The following MAP3K12 variants were observed in gnomAD, a reference collection of about 807,000 sequenced individuals.
MAP3K12 encodes MAPK-upstream kinase.
A neutral mutation model predicts 87.5 loss-of-function variants in MAP3K12; 14 were observed. The observed-to-expected ratio is 0.16, with a 90% confidence interval of 0.11 to 0.25. MAP3K12 has a LOEUF of 0.25. MAP3K12 is among the 10% of genes least tolerant of loss of function. The probability of loss-of-function intolerance (pLI) is 1.00; values close to 1 mark genes in which losing one functional copy is unlikely to be tolerated. For missense variants in MAP3K12, 802 were observed against 1,140.4 expected (o/e 0.70, Z 4.27); for synonymous variants, 469 against 452.5 (o/e 1.04, Z -0.46).
At position 53,486,612 on chromosome 12, in the gene MAP3K12, C is replaced by T. The variant is rs1372376162; in HGVS notation, c.456G>A (p.Glu152=). The change falls in exon 3 of 14, where the codon GAG becomes GAA. Residue 152 remains glutamate, a synonymous_variant. Transcript: ENST00000547488. This position sits in a 1 kb window ranked among gnomAD's most constrained non-coding sequence, Gnocchi z 4.9. Reference sequence around the variant, plus strand: ...GGTCCAGGATTTCCTCAAAGGGGACCTCCCAAAGGTCTGTGGGCAGGAGGC... The same window carrying T: ...GGTCCAGGATTTCCTCAAAGGGGACTTCCCAAAGGTCTGTGGGCAGGAGGC... ...EHKQQQEDLW[E]VPFEEILDLQ... 1.3e-6 allele frequency: 2 copies of T among 1,598,498 alleles called. No homozygotes were observed. The highest frequency in any genetic ancestry group is 1.7e-4 in the Middle Eastern group (1 of 6,028).
chr12:53,493,716 T>A (rs965407726), intron 1 of MAP3K12: 2 of 152,056 alleles, frequency 1.3e-5, no homozygotes, highest in Non-Finnish European at 1.5e-5. Context: ...TTTAAAGGAA[T>A]TTTTCAGCCG....
At position 53,487,113 on chromosome 12, in the gene MAP3K12, T is replaced by G. The variant is rs1449764779; in HGVS notation, c.279A>C (p.Gly93=). Residue 93 remains glycine (G), a synonymous_variant, in exon 2 of 14, where the codon GGA becomes GGC. Coordinates refer to ENST00000547488, the MANE Select transcript of MAP3K12 (RefSeq NM_001193511.2). ...CCCGACTCTCAGGTGACCCAGCTGC[T>G]CCCCCTGGGCCCCCTGCATCCTGCT... ...LHEQDAGGPG[G]AAGSPESRAS... The G allele has an allele frequency of 6.2e-7, 1 of 1,613,320 alleles. No individual in the cohort carries two copies. Among genetic ancestry groups the G allele is most frequent in the Non-Finnish European group, 8.5e-7 (1 of 1,179,898 alleles).
chr12:53,484,950 C>T (rs531422701), intron 6 of MAP3K12, 106 bp downstream of exon 6: 1 of 1,410,490 alleles, frequency 7.1e-7, no homozygotes, highest in African/African-American at 1.4e-5. Flanking sequence ...GAAAGTCAGT[C>T]TCTTTGAATT....
upstream of MAP3K12, chr12:53,501,490 G>A: frequency 2.6e-6 from 4 of 1,556,568 alleles, no homozygotes; most frequent in Non-Finnish European, 3.5e-6. Context: ...ATTCCTTCAG[G>A]GCGAAAAGCG....
chr12:53,481,742 T>C (rs1943055497), intron 13 of MAP3K12, 199 bp downstream of exon 13: 1 of 603,760 alleles, frequency 1.7e-6, no homozygotes, highest in Non-Finnish European at 2.8e-6. Context: ...CTGCAATTTA[T>C]AGCTACATGC....
rs146607300 is a variant in MAP3K12 at position 53,481,108 on chromosome 12, C to CATATAT, written c.*68_*73dup. ...CCATCTTTCTGTTGATTATGTGGCGCATATATATATATATATGTATATATA... is the reference window on the plus strand; with the variant it reads ...CCATCTTTCTGTTGATTATGTGGCGCATATATATATATATATATATATGTATATATA... On this transcript the variant is annotated 3_prime_UTR_variant, in exon 14 of 14. Transcript: ENST00000547488. 7 of 580,928 alleles carry CATATAT rather than the reference C, an allele frequency of 1.2e-5. No homozygotes were observed. Among genetic ancestry groups the CATATAT allele is most frequent in the Non-Finnish European group, 1.6e-5 (7 of 429,030 alleles). 36.0% of individuals were successfully genotyped at this position (580,928 alleles called of 1,614,324 possible). A position where few individuals can be genotyped will look rare whatever the true frequency, so the allele number is the denominator to read the frequency against.
intron 13 of MAP3K12, chr12:53,481,553 T>G (rs1395575554): frequency 2.1e-5 from 6 of 286,972 alleles, no homozygotes; most frequent in Non-Finnish European, 3.3e-5. Flanking sequence ...TTTTACCATA[T>G]TGGTCAGGCT....
chr12:53,486,306 C>G lies in MAP3K12; in HGVS notation c.630-59G>C. ...TGGCTCAGCATTCACCTGATTCATA[C>G]CTGGAACCCCCATTCCCACCCATTC... On this transcript the variant is annotated intron_variant, in intron 3 of 13. Transcript: ENST00000547488. This position sits in a 1 kb window ranked among gnomAD's most constrained non-coding sequence, Gnocchi z 4.9. The G allele has an allele frequency of 6.4e-7, 1 of 1,553,842 alleles. No homozygotes were observed. Among genetic ancestry groups the G allele is most frequent in the Non-Finnish European group, 8.7e-7 (1 of 1,146,678 alleles).
intron 7 of MAP3K12, 43 bp downstream of exon 7, chr12:53,484,213 CA>C: frequency 6.5e-7 from 1 of 1,545,940 alleles, no homozygotes; most frequent in Middle Eastern, 1.7e-4. Flanking sequence ...ATCATCTCTG[CA>C]AAGAAGGGGA....
intron 10 of MAP3K12, 53 bp from the exon 11 acceptor site, chr12:53,483,242 A>G (rs1460245012): frequency 1.3e-6 from 2 of 1,546,962 alleles, no homozygotes; most frequent in Non-Finnish European, 1.7e-6. Context: ...ATGTACTCAA[A>G]GCACTCCCTA....
At position 53,485,221 on chromosome 12, in the gene MAP3K12, A is replaced by G; in HGVS notation, c.981-7T>C. ...TAGCACCACGCCAAAGGACCTAGGG[A>G]TGAGGGGACATCACTTGTGCTCAAG... is the stretch of plus-strand genomic sequence containing the variant. On this transcript the variant is annotated splice_polypyrimidine_tract_variant and splice_region_variant and intron_variant, in intron 5 of 13. Coordinates refer to ENST00000547488, the MANE Select transcript of MAP3K12 (RefSeq NM_001193511.2). 4 of 1,607,476 alleles carry G rather than the reference A, an allele frequency of 2.5e-6. No homozygotes were observed. The highest frequency in any genetic ancestry group is 3.4e-6 in the Non-Finnish European group (4 of 1,175,990).
At chr12:53,481,758 A>C (rs1943056586) in intron 13 of MAP3K12, 183 bp downstream of exon 13, 2 of 666,854 alleles carry the variant, frequency 3.0e-6, no homozygotes, top group African/African-American at 3.6e-5. Context: ...CATGCAAGCT[A>C]CTGGTCAGGC....
At chr12:53,499,794 G>A (rs1161404364), upstream of MAP3K12, among the ~76,000 whole-genome samples, 1 of 152,192 alleles carries the variant, frequency 6.6e-6, no homozygotes, top group African/African-American at 2.4e-5. Context: ...GCTCGTACCT[G>A]GCCCGCCTGG....
At chr12:53,495,488 T>C (rs989340839) in intron 1 of MAP3K12, among the ~76,000 whole-genome samples, 1 of 137,960 alleles carries the variant, frequency 7.2e-6, no homozygotes, top group Non-Finnish European at 1.5e-5. Context: ...TGGGCGCACC[T>C]GTAGTCCGCC....
intron 12 of MAP3K12, 41 bp from the exon 13 acceptor site, chr12:53,482,252 T>G: frequency 6.2e-7 from 1 of 1,614,092 alleles, no homozygotes; most frequent in Non-Finnish European, 8.5e-7. Context: ...GTTCTGCCCC[T>G]AGCAGAAAAC....
intron 1 of MAP3K12, among the ~76,000 whole-genome samples, chr12:53,495,136 G>A (rs938932341): frequency 6.6e-6 from 1 of 151,952 alleles, no homozygotes; most frequent in Non-Finnish European, 1.5e-5. Flanking sequence ...TCAGGAGATG[G>A]AGACCATCCT....
Position 53,481,212 on chromosome 12 carries a change from G to A in MAP3K12, c.2649C>T (p.Ala883=). The A allele has an allele frequency of 6.5e-7, 1 of 1,538,744 alleles. No homozygotes were observed. The highest frequency in any genetic ancestry group is 8.8e-7 in the Non-Finnish European group (1 of 1,140,276). ...TELDNSNSVD[A]LRPPASLPP ...GAGGGAGGGAAGCTGGGGGCCGCAA[G>A]GCATCAACGCTGTTGGAGTTGTCCA... The change falls in exon 14 of 14, where the codon GCC becomes GCT. Residue 883 remains alanine, a synonymous_variant. Transcript: ENST00000547488.
chr12:53,482,466 G>A (rs1943089006), intron 11 of MAP3K12, 97 bp from the exon 12 acceptor site: 3 of 1,606,674 alleles, frequency 1.9e-6, no homozygotes, highest in Non-Finnish European at 2.6e-6. Flanking sequence ...GGTGAAGTAG[G>A]GAATGGCTTA....
chr12:53,483,976 C>A lies in MAP3K12; in HGVS notation c.1293G>T (p.Lys431Asn). 6.2e-7 allele frequency: 1 copy of A among 1,614,066 alleles called. No individual in the cohort carries two copies. Among genetic ancestry groups the A allele is most frequent in the Non-Finnish European group, 8.5e-7 (1 of 1,180,020 alleles). ...GGCGGTGCAGACAGGTCCCTTCTGA[C>A]TTAATCTTTTCAAAGTGCAGTTTTA... ...EEVKLHFEKI[K>N]SEGTCLHRLE... The change falls in exon 8 of 14, where the codon AAG becomes AAT. Residue 431 changes from lysine to asparagine, a missense_variant. Around this residue, in one of 5 missense-constraint regions of MAP3K12, gnomAD observed 99 missense variants for 193.4 expected, o/e 0.51. Transcript: ENST00000547488.
Sources: gnomAD v4.1 joint callset for allele counts (sites outside exome capture counted in the v4.1 genomes callset) on GRCh38, gnomAD v4.1.1 for gene constraint, gnomAD v4.1.1 regional missense constraint, Gnocchi (gnomAD v3.1) non-coding constraint, MANE v1.5 for transcripts, NCBI Gene and HGNC (gene_info 2026-07-23, HGNC 2026-07-21) for gene names.